Variants in GPR183 observed in about 807,000 individuals in gnomAD.
The protein encoded by GPR183 is G protein-coupled receptor 183, also known as EBV-induced G-protein coupled receptor 2.
A neutral mutation model predicts 19.7 loss-of-function variants in GPR183; 9 were observed. The ratio of observed to expected loss-of-function variants is 0.46; its 90% CI spans 0.28 to 0.80. GPR183 has a LOEUF of 0.80. GPR183 is among the 30% of genes least tolerant of loss of function. GPR183 has a pLI of 0.13. For missense variants in GPR183, 368 were observed against 446.7 expected (o/e 0.82, Z 1.59); for synonymous variants, 160 against 155.1 (o/e 1.03, Z -0.24).
chr13:99,296,115 G>A lies in GPR183; in HGVS notation c.31C>T (p.Pro11Ser), dbSNP rs746590981. Reference protein sequence around the residue: MDIQMANNFTPPSATPQGNDC... With the variant: MDIQMANNFTSPSATPQGNDC... ...TTTCCCTGAGGAGTTGCAGAGGGCG[G>A]AGTAAAATTGTTTGCCATTTGTATA... The change falls in exon 2 of 2, where the codon CCG (proline) becomes TCG (serine). Residue 11 changes from proline to serine, a missense_variant. Transcript: ENST00000376414. 1.6e-5 allele frequency: 25 copies of A among 1,603,646 alleles called. No homozygotes were observed. The South Asian group carries it at 2.7e-4, about 17-fold the overall frequency.
chr13:99,294,856 T>C lies in GPR183; in HGVS notation c.*204A>G. 2.2e-6 allele frequency: 1 copy of C among 447,988 alleles called. No homozygotes were observed. The highest frequency in any genetic ancestry group is 3.9e-6 in the Non-Finnish European group (1 of 258,606). The allele number at this position is 447,988 out of a possible 1,614,324, so 27.8% of individuals were successfully genotyped here. A position where few individuals can be genotyped will look rare whatever the true frequency, so the allele number is the denominator to read the frequency against. On this transcript the variant is annotated 3_prime_UTR_variant, in exon 2 of 2. Coordinates refer to ENST00000376414, the MANE Select transcript of GPR183 (RefSeq NM_004951.5). Reference sequence around the variant, plus strand: ...CGTTTACAAATAAAAATGAAATATTTATTTGCATTTTTATTGTGCTTTATG... The same window carrying C: ...CGTTTACAAATAAAAATGAAATATTCATTTGCATTTTTATTGTGCTTTATG...
At chr13:99,304,505 A>G (rs1365886302) in intron 1 of GPR183, among the ~76,000 whole-genome samples, 3 of 152,200 alleles carry the variant, frequency 2.0e-5, no homozygotes, top group Non-Finnish European at 4.4e-5. Context: ...TAGGTGATGT[A>G]TGATCGATAT....
At chr13:99,300,019 T>G (rs1034195496) in intron 1 of GPR183, among the ~76,000 whole-genome samples, 1 of 152,196 alleles carries the variant, frequency 6.6e-6, no homozygotes, top group African/African-American at 2.4e-5. Context: ...TGAGGGCTTG[T>G]GGTTTCAAAG....
At chr13:99,298,289 T>C (rs1299505821) in intron 1 of GPR183, among the ~76,000 whole-genome samples, 1 of 152,070 alleles carries the variant, frequency 6.6e-6, no homozygotes, top group Admixed American at 6.5e-5. Context: ...TTTCAGAAAA[T>C]AGTTATTTTC....
chr13:99,306,665 T>C (rs538895113), intron 1 of GPR183, among the ~76,000 whole-genome samples: 1 of 152,300 alleles, frequency 6.6e-6, no homozygotes, highest in South Asian at 2.1e-4. Context: ...TAGAATTCAT[T>C]GTGATTTTTT....
At chr13:99,296,217 A>C in intron 1 of GPR183, 54 bp from the exon 2 acceptor site, 1 of 1,413,762 alleles carries the variant, frequency 7.1e-7, no homozygotes, top group Non-Finnish European at 9.4e-7. Flanking sequence ...ATTCAGTTTG[A>C]TTACTCATTA....
chr13:99,305,342 AC>A (rs1306047375), intron 1 of GPR183, among the ~76,000 whole-genome samples: 4 of 151,714 alleles, frequency 2.6e-5, no homozygotes, highest in African/African-American at 7.3e-5. Flanking sequence ...AAGGTGATAA[AC>A]CCCCCAGACT....
intron 1 of GPR183, among the ~76,000 whole-genome samples, chr13:99,303,154 G>A (rs989672491): frequency 6.6e-6 from 1 of 152,184 alleles, no homozygotes; most frequent in East Asian, 1.9e-4. Flanking sequence ...ATAGATCTGC[G>A]AAAGGCCATT....
rs910617885 is a variant in GPR183 at position 99,307,357 on chromosome 13, G to T, written c.-36C>A. 6.6e-6 allele frequency: 1 copy of T among 151,998 alleles called. No individual in the cohort carries two copies. Among genetic ancestry groups the T allele is most frequent in the African/African-American group, 2.4e-5 (1 of 41,368 alleles). The allele number at this position is 151,998 out of a possible 1,614,324, so 9.4% of individuals were successfully genotyped here. On this transcript the variant is annotated 5_prime_UTR_variant, in exon 1 of 2. Transcript: ENST00000376414. ...GTACTTACATATCAGTGACTCGTTC[G>T]GGTCTCTGTGTAGTAGCTGTGAGTA...
chr13:99,305,538 C>T (rs1044332695), intron 1 of GPR183, among the ~76,000 whole-genome samples: 4 of 152,040 alleles, frequency 2.6e-5, no homozygotes, highest in South Asian at 2.1e-4. Context: ...CTATAGAATG[C>T]TACAGAACCA....
rs141901848 is a variant in GPR183, at chr13:99,301,156, G to A, written c.-18-4993C>T. 4.4e-3 allele frequency among the ~76,000 whole-genome samples: 667 copies of A among 152,234 alleles called. 7 individuals carry two copies. Among genetic ancestry groups the A allele is most frequent in the African/African-American group, 0.015 (635 of 41,538 alleles). Reference sequence around the variant, plus strand: ...AAAAGATGCACGTGGCCCCTCAGCCGTCCTTCGTGCTGCCCACACTGAGGG... The same window carrying A: ...AAAAGATGCACGTGGCCCCTCAGCCATCCTTCGTGCTGCCCACACTGAGGG... On this transcript the variant is annotated intron_variant, in intron 1 of 1. Coordinates refer to ENST00000376414, the MANE Select transcript of GPR183 (RefSeq NM_004951.5).
chr13:99,296,399 T>G (rs2044174192), intron 1 of GPR183, among the ~76,000 whole-genome samples: 1 of 152,186 alleles, frequency 6.6e-6, no homozygotes, highest in Non-Finnish European at 1.5e-5. Flanking sequence ...CACAATTTGC[T>G]GACTTTGGCA....
At chr13:99,306,030 G>A (rs974953066) in intron 1 of GPR183, among the ~76,000 whole-genome samples, 9 of 152,026 alleles carry the variant, frequency 5.9e-5, no homozygotes, top group African/African-American at 1.9e-4. Context: ...TGAGTAGCTG[G>A]GATTATAGGT....
Position 99,300,660 on chromosome 13 carries a change from C to G in GPR183, c.-18-4497G>C, listed in dbSNP as rs80135501. On this transcript the variant is annotated intron_variant, in intron 1 of 1. Transcript: ENST00000376414. Reference sequence around the variant, plus strand: ...AAATGGTTTTTAGTGCCTCCATGTGCTAGATGCTGGGAATACAGAGATGGT... The same window carrying G: ...AAATGGTTTTTAGTGCCTCCATGTGGTAGATGCTGGGAATACAGAGATGGT... Among the ~76,000 whole-genome samples, 1,476 of 152,260 alleles carry G rather than the reference C, an allele frequency of 9.7e-3. 20 individuals are homozygous for G. Among genetic ancestry groups the G allele is most frequent in the African/African-American group, 0.033 (1,384 of 41,530 alleles).
In GPR183 at chr13:99,295,453, T is replaced by C. The variant is rs1403674651; in HGVS notation, c.693A>G (p.Pro231=). 1 of 1,613,980 alleles carries C rather than the reference T, an allele frequency of 6.2e-7. No individual in the cohort carries two copies. The highest frequency in any genetic ancestry group is 1.1e-5 in the South Asian group (1 of 91,070). The stretch of plus-strand genomic sequence containing the variant: ...TGTTTACACCAGATTTCTCAGTGAG[T>C]GGGTTTTGTTTGGCAGTTCTGAAGA... ...CKLFRTAKQN[P]LTEKSGVNKK... The change falls in exon 2 of 2, where the codon CCA becomes CCG. Residue 231 remains proline, a synonymous_variant. Transcript: ENST00000376414. The surrounding 1 kb of genome is among the most constrained non-coding windows in gnomAD (Gnocchi z 4.1).
intron 1 of GPR183, among the ~76,000 whole-genome samples, chr13:99,304,355 C>T (rs1003649369): frequency 6.6e-6 from 1 of 152,154 alleles, no homozygotes; most frequent in Non-Finnish European, 1.5e-5. Context: ...GTTCTCCATC[C>T]TCTGAAAGGC....
intron 1 of GPR183, among the ~76,000 whole-genome samples, chr13:99,298,063 G>A (rs2044202925): frequency 6.6e-6 from 1 of 152,122 alleles, no homozygotes; most frequent in African/African-American, 2.4e-5. Flanking sequence ...AAATTTGCAT[G>A]TAACAGCAAA....
chr13:99,295,541 A>G lies in GPR183; in HGVS notation c.605T>C (p.Phe202Ser). Residue 202 changes from phenylalanine (F) to serine (S), a missense_variant, in exon 2 of 2, where the codon TTC becomes TCC. Physicochemically the swap from Phe to Ser is radical, Grantham distance 155 (BLOSUM62 -2). Coordinates refer to ENST00000376414, the MANE Select transcript of GPR183 (RefSeq NM_004951.5). The surrounding 1 kb of genome is among the most constrained non-coding windows in gnomAD (Gnocchi z 4.1). The stretch of plus-strand genomic sequence containing the variant: ...TATAAGTGGAAGTACATATCCTATG[A>G]AACATGCCCCAAGCAGAATCCAGGG... ...SLPWILLGAC[F>S]IGYVLPLIII... 6.2e-7 allele frequency: 1 copy of G among 1,614,006 alleles called. No homozygotes were observed. Among genetic ancestry groups the G allele is most frequent in the South Asian group, 1.1e-5 (1 of 91,078 alleles).
intron 1 of GPR183, among the ~76,000 whole-genome samples, chr13:99,305,815 C>T (rs1752388491): frequency 6.6e-6 from 1 of 152,118 alleles, no homozygotes; most frequent in Non-Finnish European, 1.5e-5. Context: ...AGAAAACATG[C>T]TAAAATATAA....
Sources: allele counts gnomAD v4.1 joint callset (sites outside exome capture counted in the v4.1 genomes callset), GRCh38; gene constraint gnomAD v4.1.1; non-coding constraint Gnocchi (gnomAD v3.1); transcripts MANE v1.5; gene names NCBI Gene and HGNC (gene_info 2026-07-23, HGNC 2026-07-21).